UBE2E2: variants seen among roughly 807,000 people sequenced by gnomAD.
UBE2E2 encodes the protein ubiquitin conjugating enzyme E2 E2.
Under a neutral mutation model 24.7 loss-of-function variants are expected in UBE2E2, and 6 were observed. That is an observed-to-expected ratio of 0.24 (90% CI 0.13 to 0.48). UBE2E2 has a LOEUF of 0.48. Among genes scored for constraint, UBE2E2 ranks in the 20% least tolerant of loss-of-function variants. The probability of loss-of-function intolerance (pLI) is 0.99; values close to 1 mark genes in which losing one functional copy is unlikely to be tolerated. For missense variants in UBE2E2, 169 were observed against 245.0 expected (o/e 0.69, Z 2.07); for synonymous variants, 104 against 83.6 (o/e 1.24, Z -1.33).
At chr3:23,291,247 G>T (rs578140693) in intron 3 of UBE2E2, among the ~76,000 whole-genome samples, 63 of 152,072 alleles carry the variant, frequency 4.1e-4, no homozygotes, top group Non-Finnish European at 8.4e-4. Flanking sequence ...CTGGCTGCAA[G>T]CTTTTGTGCA....
chr3:23,263,861 C>A (rs1031119404), intron 3 of UBE2E2, among the ~76,000 whole-genome samples: 1 of 152,082 alleles, frequency 6.6e-6, no homozygotes, highest in South Asian at 2.1e-4. Context: ...TTTGGCGAAA[C>A]TGCATAGGTC....
chr3:23,222,522 T>C (rs1696682758), intron 3 of UBE2E2, among the ~76,000 whole-genome samples: 1 of 152,170 alleles, frequency 6.6e-6, no homozygotes, highest in Non-Finnish European at 1.5e-5. Flanking sequence ...CGAGATCTGA[T>C]GGTTTTATAA....
chr3:23,424,004 G>A (rs1467704545), intron 3 of UBE2E2, among the ~76,000 whole-genome samples: 1 of 152,140 alleles, frequency 6.6e-6, no homozygotes, highest in Non-Finnish European at 1.5e-5. Flanking sequence ...GTAATGAAAG[G>A]ACATTACTGA....
intron 3 of UBE2E2, among the ~76,000 whole-genome samples, chr3:23,344,729 A>G (rs1471073417): frequency 6.6e-6 from 1 of 151,772 alleles, no homozygotes; most frequent in Non-Finnish European, 1.5e-5. Flanking sequence ...TACACACACT[A>G]AGTGAGGTGG....
chr3:23,567,343 A>G (rs1453110811), intron 5 of UBE2E2, among the ~76,000 whole-genome samples: 3 of 152,238 alleles, frequency 2.0e-5, no homozygotes, highest in African/African-American at 4.8e-5. Context: ...GTCAGGTGGT[A>G]GAACATGTTG....
intron 3 of UBE2E2, among the ~76,000 whole-genome samples, chr3:23,290,588 G>A (rs917821021): frequency 2.6e-5 from 4 of 151,976 alleles, no homozygotes; most frequent in African/African-American, 9.7e-5. Context: ...GAGTAACTGG[G>A]ATTATAGGAG....
At chr3:23,423,618 C>T (rs1039465457) in intron 3 of UBE2E2, among the ~76,000 whole-genome samples, 1 of 152,092 alleles carries the variant, frequency 6.6e-6, no homozygotes, top group Admixed American at 6.6e-5. Flanking sequence ...ATGCCATAAT[C>T]TATATAATGC....
At chr3:23,568,046 C>T (rs1696118009) in intron 5 of UBE2E2, among the ~76,000 whole-genome samples, 1 of 152,206 alleles carries the variant, frequency 6.6e-6, no homozygotes, top group Admixed American at 6.5e-5. Flanking sequence ...ACAGTCACTC[C>T]TCAGCACAGA....
intron 2 of UBE2E2, among the ~76,000 whole-genome samples, chr3:23,209,517 A>G (rs1356452802): frequency 6.6e-6 from 1 of 152,212 alleles, no homozygotes; most frequent in South Asian, 2.1e-4. Context: ...CTCTTGGAAA[A>G]TAATTTGAAA....
chr3:23,347,883 T>A (rs569232245), intron 3 of UBE2E2, among the ~76,000 whole-genome samples: 1 of 152,168 alleles, frequency 6.6e-6, no homozygotes, highest in South Asian at 2.1e-4. Context: ...CTTGCACTTA[T>A]CTTTGGTTGA....
chr3:23,517,567 C>G (rs2125471717), intron 4 of UBE2E2, among the ~76,000 whole-genome samples: 1 of 152,242 alleles, frequency 6.6e-6, no homozygotes, highest in East Asian at 1.9e-4. Context: ...TGAACAAATA[C>G]ATGTCAATAT....
At chr3:23,327,123 G>T (rs1450485619) in intron 3 of UBE2E2, among the ~76,000 whole-genome samples, 1 of 152,122 alleles carries the variant, frequency 6.6e-6, no homozygotes, top group Non-Finnish European at 1.5e-5. Flanking sequence ...GAATAGTGCT[G>T]CAATAAACAT....
intron 3 of UBE2E2, among the ~76,000 whole-genome samples, chr3:23,324,769 C>A (rs187174075): frequency 2.0e-5 from 3 of 149,862 alleles, no homozygotes; most frequent in African/African-American, 7.4e-5. Context: ...GATCTTTTCA[C>A]ACCTCTCTTG....
At chr3:23,387,122 C>T (rs780850152) in intron 3 of UBE2E2, among the ~76,000 whole-genome samples, 30 of 152,184 alleles carry the variant, frequency 2.0e-4, no homozygotes, top group African/African-American at 6.0e-4. Flanking sequence ...AAGTTTAAGA[C>T]GCACATATGC....
chr3:23,337,609 A>G (rs1438050044), intron 3 of UBE2E2, among the ~76,000 whole-genome samples: 2 of 152,218 alleles, frequency 1.3e-5, no homozygotes, highest in African/African-American at 4.8e-5. Context: ...TTAAGTGAAG[A>G]CTTGAATGAT....
intron 5 of UBE2E2, among the ~76,000 whole-genome samples, chr3:23,567,835 G>C (rs2125509454): frequency 6.6e-6 from 1 of 152,322 alleles, no homozygotes; most frequent in Admixed American, 6.5e-5. Flanking sequence ...TAGACACTTT[G>C]TTGGTTTTGT....
At chr3:23,219,019 A>G (rs1696555460) in intron 3 of UBE2E2, among the ~76,000 whole-genome samples, 1 of 152,182 alleles carries the variant, frequency 6.6e-6, no homozygotes, top group Non-Finnish European at 1.5e-5. Flanking sequence ...CACACATAAT[A>G]AGCCCTTCAA....
At chr3:23,275,622 T>G (rs1698358834) in intron 3 of UBE2E2, among the ~76,000 whole-genome samples, 1 of 152,216 alleles carries the variant, frequency 6.6e-6, no homozygotes, top group African/African-American at 2.4e-5. Context: ...TTTCTATTGC[T>G]CTATAGTTTC....
intron 5 of UBE2E2, among the ~76,000 whole-genome samples, chr3:23,566,519 T>G (rs1344176979): frequency 6.6e-6 from 1 of 152,176 alleles, no homozygotes; most frequent in African/African-American, 2.4e-5. Flanking sequence ...AAAAGTTTTA[T>G]TTGGCTCACA....
Sources: gnomAD v4.1 joint callset for allele counts (sites outside exome capture counted in the v4.1 genomes callset) on GRCh38, gnomAD v4.1.1 for gene constraint, MANE v1.5 for transcripts, NCBI Gene and HGNC (gene_info 2026-07-23, HGNC 2026-07-21) for gene names.